Variants in PRELID2 observed in about 807,000 individuals in gnomAD.
PRELID2 encodes the protein PRELI domain containing 2.
Under a neutral mutation model 28.4 loss-of-function variants are expected in PRELID2, and 25 were observed. The ratio of observed to expected loss-of-function variants is 0.88; its 90% CI spans 0.64 to 1.23. The LOEUF (loss-of-function observed/expected upper bound fraction) is 1.23. PRELID2 is among the 50% of genes most tolerant of loss of function. The pLI is 0.00. For synonymous variants in PRELID2, 76 were observed against 71.6 expected (o/e 1.06, Z -0.31); for missense variants, 201 against 214.4 (o/e 0.94, Z 0.39).
intron 4 of PRELID2, among the ~76,000 whole-genome samples, chr5:145,796,963 C>T (rs1296213162): frequency 6.6e-6 from 1 of 152,046 alleles, no homozygotes; most frequent in African/African-American, 2.4e-5. Context: ...AACACATAAG[C>T]ATTTACTAAA....
chr5:145,284,620 A>G, the PRELID2 span, among the ~76,000 whole-genome samples: 2 of 152,306 alleles, frequency 1.3e-5, no homozygotes, highest in East Asian at 3.9e-4. Context: ...AACAAATCCA[A>G]GAAGTTAAAT....
the PRELID2 span, among the ~76,000 whole-genome samples, chr5:145,294,838 G>A: frequency 6.6e-6 from 1 of 152,040 alleles, no homozygotes; most frequent in African/African-American, 2.4e-5. Flanking sequence ...TCTGCTTGGG[G>A]ATACCACTAA....
chr5:145,247,193 G>A, the PRELID2 span, among the ~76,000 whole-genome samples: 4 of 152,058 alleles, frequency 2.6e-5, no homozygotes, highest in Admixed American at 1.3e-4. Context: ...ACTTCACTTT[G>A]ACCCCGTTTG....
At chr5:145,737,416 G>T (rs1756526190) in intron 1 of PRELID2, among the ~76,000 whole-genome samples, 1 of 79,892 alleles carries the variant, frequency 1.3e-5, no homozygotes, top group Non-Finnish European at 3.3e-5. Context: ...ATCCCTGGAT[G>T]TTATTTATTT....
the PRELID2 span, among the ~76,000 whole-genome samples, chr5:145,301,872 G>T: frequency 2.0e-5 from 3 of 147,626 alleles, no homozygotes; most frequent in Admixed American, 6.8e-5. Context: ...CTTGATTATT[G>T]TAGCTTTTTA....
chr5:145,645,329 C>A (rs1472438483), intron 1 of PRELID2, among the ~76,000 whole-genome samples: 7 of 135,660 alleles, frequency 5.2e-5, no homozygotes, highest in Middle Eastern at 3.9e-3. Context: ...ATTAGGATTG[C>A]AACTCCTGCT....
At chr5:145,287,078 T>C in the PRELID2 span, among the ~76,000 whole-genome samples, 3,022 of 152,296 alleles carry the variant, frequency 0.02, 92 homozygotes, top group African/African-American at 0.069. Flanking sequence ...ATATATTTTT[T>C]AAACACATTT....
chr5:145,459,990 T>C, the PRELID2 span, among the ~76,000 whole-genome samples: 3 of 152,004 alleles, frequency 2.0e-5, no homozygotes, highest in East Asian at 1.9e-4. Flanking sequence ...TTTGTATTTT[T>C]AGTAGAGACT....
At chr5:145,810,153 T>G (rs532169015) in intron 4 of PRELID2, among the ~76,000 whole-genome samples, 179 of 152,358 alleles carry the variant, frequency 1.2e-3, no homozygotes, top group African/African-American at 4.0e-3. Context: ...CCAAAGTAAA[T>G]GTGTGTGTCC....
downstream of PRELID2, among the ~76,000 whole-genome samples, chr5:145,752,485 T>A (rs1419634761): frequency 6.6e-6 from 1 of 152,200 alleles, no homozygotes; most frequent in Non-Finnish European, 1.5e-5. Context: ...AAAGCGTCAT[T>A]AAACTTTCTT....
the PRELID2 span, among the ~76,000 whole-genome samples, chr5:145,285,508 G>T: frequency 4.6e-5 from 7 of 152,232 alleles, no homozygotes; most frequent in East Asian, 9.7e-4. Context: ...TATCTTAAAT[G>T]AACTACTCTG....
the PRELID2 span, among the ~76,000 whole-genome samples, chr5:145,259,874 G>A: frequency 3.3e-5 from 5 of 152,122 alleles, no homozygotes; most frequent in African/African-American, 1.2e-4. Flanking sequence ...GATATGGTTT[G>A]GATCTGTGTC....
In PRELID2 at chr5:145,581,075, C is replaced by A. The variant is rs138326632; in HGVS notation, n.71-107760G>T. ...CCATTTACCTCCACCAAGAGGAAAACACCAGACTTTTGTCTCTGTTGGCCT... is the reference window on the plus strand; with the variant it reads ...CCATTTACCTCCACCAAGAGGAAAAAACCAGACTTTTGTCTCTGTTGGCCT... On this transcript the variant is annotated intron_variant and non_coding_transcript_variant, in intron 1 of 2. Transcript: ENST00000510259. Among the ~76,000 whole-genome samples, 255 of 152,064 alleles carry A rather than the reference C, an allele frequency of 1.7e-3. 2 individuals carry two copies. In the East Asian group the frequency reaches 0.026, roughly 16 times the overall value.
intron 5 of PRELID2, among the ~76,000 whole-genome samples, chr5:145,780,455 T>C (rs190177696): frequency 9.2e-5 from 14 of 152,296 alleles, no homozygotes; most frequent in South Asian, 2.1e-4. Context: ...GAAAATTAAA[T>C]AGCTCAGCCA....
the PRELID2 span, among the ~76,000 whole-genome samples, chr5:145,273,635 A>G: frequency 6.6e-6 from 1 of 152,192 alleles, no homozygotes; most frequent in Admixed American, 6.5e-5. Flanking sequence ...AAAAGAAAAT[A>G]GCCTATGTTT....
At chr5:145,700,194 TCCC>T (rs78132540) in intron 1 of PRELID2, among the ~76,000 whole-genome samples, 18,941 of 151,040 alleles carry the variant, frequency 0.13, 1,899 homozygotes, top group African/African-American at 0.25. Flanking sequence ...ATCAACAGCA[TCCC>T]CCCCAACTTT....
At chr5:145,543,719 GA>G (rs1433685375) in intron 1 of PRELID2, among the ~76,000 whole-genome samples, 1 of 152,038 alleles carries the variant, frequency 6.6e-6, no homozygotes, top group Non-Finnish European at 1.5e-5. Context: ...CCACTGAGTA[GA>G]AATTGGCATT....
intron 1 of PRELID2, among the ~76,000 whole-genome samples, chr5:145,594,760 G>A (rs1753278760): frequency 6.6e-6 from 1 of 152,104 alleles, no homozygotes; most frequent in African/African-American, 2.4e-5. Context: ...AGTAATTTGA[G>A]GTTTTGCTTA....
chr5:145,253,365 C>T, the PRELID2 span, among the ~76,000 whole-genome samples: 1 of 152,024 alleles, frequency 6.6e-6, no homozygotes, highest in Admixed American at 6.6e-5. Flanking sequence ...TTCATAGTCC[C>T]CATGTAAGGG....
Sources: allele counts gnomAD v4.1 joint callset (sites outside exome capture counted in the v4.1 genomes callset), GRCh38; gene constraint gnomAD v4.1.1; transcripts MANE v1.5; gene names NCBI Gene and HGNC (gene_info 2026-07-23, HGNC 2026-07-21).